Variants in ROR2 observed in about 807,000 individuals in gnomAD.
ROR2 encodes the protein ROR family WNT receptor 2.
Under a neutral mutation model 74.9 loss-of-function variants are expected in ROR2, and 33 were observed. The ratio of observed to expected loss-of-function variants is 0.44; its 90% CI spans 0.33 to 0.59. The LOEUF is 0.59. ROR2 is among the 20% of genes least tolerant of loss of function. The probability of loss-of-function intolerance (pLI) is 0.02; values close to 1 mark genes in which losing one functional copy is unlikely to be tolerated. For missense variants in ROR2, 1,216 were observed against 1,313.8 expected, an observed-to-expected ratio of 0.93 and a Z score of 1.15; for synonymous variants, 586 against 558.7, an observed-to-expected ratio of 1.05 and a Z score of -0.69.
At chr9:91,780,636 C>T (rs1465596822) in intron 1 of ROR2, among the ~76,000 whole-genome samples, 1 of 150,030 alleles carries the variant, frequency 6.7e-6, no homozygotes, top group Non-Finnish European at 1.5e-5. Context: ...ACTAAAAATA[C>T]AAAAATTAGC....
chr9:91,775,705 G>A (rs761457662), intron 2 of ROR2, 36 bp downstream of exon 2: 2 of 1,590,644 alleles, frequency 1.3e-6, no homozygotes, highest in South Asian at 2.2e-5. Context: ...CAGGGCATTT[G>A]GAGGACATGG....
At position 91,856,706 on chromosome 9, in the gene ROR2, G is replaced by A. The variant is rs552967241; in HGVS notation, c.98-80888C>T. 7.9e-5 allele frequency among the ~76,000 whole-genome samples: 12 copies of A among 152,308 alleles called. No individual in the cohort carries two copies. In the East Asian group the frequency reaches 2.1e-3, roughly 27 times the overall value. Reference sequence around the variant, plus strand: ...CTGTGAGAGAATGAACGTTGTTTAAGCTGCCCAGTCTGGGGTACTTACGGC... The same window carrying A: ...CTGTGAGAGAATGAACGTTGTTTAAACTGCCCAGTCTGGGGTACTTACGGC... On this transcript the variant is annotated intron_variant, in intron 1 of 8. Transcript: ENST00000375708.
intron 1 of ROR2, among the ~76,000 whole-genome samples, chr9:91,832,852 C>T (rs1456202837): frequency 1.3e-5 from 2 of 152,306 alleles, no homozygotes; most frequent in East Asian, 3.9e-4. Flanking sequence ...AGAAATACAA[C>T]GTCCATCTTG....
At position 91,915,601 on chromosome 9, in the gene ROR2, C is replaced by A. The variant is rs146682142; in HGVS notation, c.97+34266G>T. On this transcript the variant is annotated intron_variant, in intron 1 of 8. Coordinates refer to ENST00000375708, the MANE Select transcript of ROR2 (RefSeq NM_004560.4). ...GAGCGAAAGAACAAAGATTCCACAGCCATGGAAGGGAACCTGAGCAGGTTG... is the reference window on the plus strand; with the variant it reads ...GAGCGAAAGAACAAAGATTCCACAGACATGGAAGGGAACCTGAGCAGGTTG... Among the ~76,000 whole-genome samples, 6 of 152,056 alleles carry A rather than the reference C, an allele frequency of 3.9e-5. No individual in the cohort carries two copies. In the South Asian group the frequency reaches 1.2e-3, roughly 32 times the overall value.
chr9:91,752,579 G>A (rs1001158938), intron 4 of ROR2, among the ~76,000 whole-genome samples: 1 of 152,208 alleles, frequency 6.6e-6, no homozygotes, highest in Non-Finnish European at 1.5e-5. Flanking sequence ...GGGGTAGAAG[G>A]GAGTTGACTA....
chr9:91,803,703 G>T (rs1263606642), intron 1 of ROR2, among the ~76,000 whole-genome samples: 1 of 152,238 alleles, frequency 6.6e-6, no homozygotes, highest in Non-Finnish European at 1.5e-5. Context: ...ACTGCATGTG[G>T]CCTTGCGTAT....
intron 1 of ROR2, among the ~76,000 whole-genome samples, chr9:91,828,117 T>A (rs1459844998): frequency 6.6e-6 from 1 of 152,268 alleles, no homozygotes; most frequent in Non-Finnish European, 1.5e-5. Context: ...AGAACTGACA[T>A]CTTTAAAACA....
At chr9:91,777,632 T>C (rs1462150628) in intron 1 of ROR2, among the ~76,000 whole-genome samples, 1 of 152,164 alleles carries the variant, frequency 6.6e-6, no homozygotes, top group Admixed American at 6.5e-5. Context: ...ATCACCACTA[T>C]GAAATTCCAG....
At chr9:91,796,000 TGGCACTCCCA>T (rs1827153937) in intron 1 of ROR2, among the ~76,000 whole-genome samples, 1 of 152,154 alleles carries the variant, frequency 6.6e-6, no homozygotes, top group Non-Finnish European at 1.5e-5. Context: ...CAAGTGCTGG[TGGCACTCCCA>T]GGCAAAGATC....
At position 91,725,070 on chromosome 9, in the gene ROR2, A is replaced by G; in HGVS notation, c.1424T>C (p.Phe475Ser). The G allele has an allele frequency of 6.2e-7, 1 of 1,614,056 alleles. No individual in the cohort carries two copies. Among genetic ancestry groups the G allele is most frequent in the Non-Finnish European group, 8.5e-7 (1 of 1,180,036 alleles). Residue 475 changes from phenylalanine to serine, a missense_variant, in exon 9 of 9, where the codon TTC becomes TCC. By Grantham distance (155) the Phe-to-Ser change is radical. Transcript: ENST00000375708. ...CCGGTCCTCTCCCAGCTCCTCCATG[A>G]ACCTCACCGCAGACAGGCTGATCTC... ...LKEISLSAVR[F>S]MEELGEDRFG...
At position 91,763,000 on chromosome 9, in the gene ROR2, T is replaced by TA. The variant is rs536150761; in HGVS notation, c.176-5442dup. ...TACACCATGGAATACAATGCAGCCATAAAAAAAATCATATCCTTTGCGCAA... is the reference window on the plus strand; with the variant it reads ...TACACCATGGAATACAATGCAGCCATAAAAAAAAATCATATCCTTTGCGCAA... On this transcript the variant is annotated intron_variant, in intron 2 of 8. Transcript: ENST00000375708. Among the ~76,000 whole-genome samples, 93 of 152,036 alleles carry TA rather than the reference T, an allele frequency of 6.1e-4. 1 individual carries two copies. Among genetic ancestry groups the TA allele is most frequent in the Middle Eastern group, 6.8e-3 (2 of 294 alleles).
rs1825078009 is a variant in ROR2 at position 91,737,608 on chromosome 9, A to G, written c.495-90T>C. ...TTTATGATCCAGCATCTTGCGATCCAGCAATTTTGTTACTTGGTATTTATA... is the reference window on the plus strand; with the variant it reads ...TTTATGATCCAGCATCTTGCGATCCGGCAATTTTGTTACTTGGTATTTATA... On this transcript the variant is annotated intron_variant, in intron 4 of 8. Coordinates refer to ENST00000375708, the MANE Select transcript of ROR2 (RefSeq NM_004560.4). 1.9e-6 allele frequency: 3 copies of G among 1,579,530 alleles called. No individual in the cohort carries two copies. The Admixed American group carries it at 5.1e-5, about 27-fold the overall frequency.
intron 1 of ROR2, among the ~76,000 whole-genome samples, chr9:91,779,368 C>CTTTTT (rs57414414): frequency 7.5e-6 from 1 of 133,726 alleles, no homozygotes; most frequent in Non-Finnish European, 1.6e-5. Context: ...TTATACTTTT[C>CTTTTT]TTTTTTTTTT....
intron 4 of ROR2, among the ~76,000 whole-genome samples, chr9:91,738,311 C>T (rs1169299387): frequency 2.0e-5 from 3 of 152,066 alleles, no homozygotes; most frequent in Non-Finnish European, 4.4e-5. Context: ...CTAAAAAATG[C>T]CTATTAATTT....
At chr9:91,881,852 G>T (rs1830120277) in intron 1 of ROR2, among the ~76,000 whole-genome samples, 1 of 152,154 alleles carries the variant, frequency 6.6e-6, no homozygotes, top group African/African-American at 2.4e-5. Flanking sequence ...GAAATTCGAG[G>T]AAAAGCACTG....
intron 2 of ROR2, among the ~76,000 whole-genome samples, chr9:91,761,407 A>T (rs1825911460): frequency 6.6e-6 from 1 of 152,166 alleles, no homozygotes; most frequent in South Asian, 2.1e-4. Flanking sequence ...GTTCTCCTGC[A>T]ACTAGTAGTC....
At chr9:91,808,299 A>G (rs534131924) in intron 1 of ROR2, among the ~76,000 whole-genome samples, 1 of 152,350 alleles carries the variant, frequency 6.6e-6, no homozygotes, top group East Asian at 1.9e-4. Context: ...TGTGAGAAAC[A>G]TAAGGTGGCA....
At chr9:91,808,894 T>G (rs1343740990) in intron 1 of ROR2, among the ~76,000 whole-genome samples, 7 of 151,440 alleles carry the variant, frequency 4.6e-5, no homozygotes, top group African/African-American at 1.7e-4. Context: ...TCCCAGCTAC[T>G]CAGGAGGCTG....
chr9:91,847,854 G>GA (rs1437103128), intron 1 of ROR2, among the ~76,000 whole-genome samples: 2 of 151,840 alleles, frequency 1.3e-5, no homozygotes, highest in African/African-American at 4.8e-5. Context: ...GATCTTGCAG[G>GA]AAACACCCAC....
Sources: gnomAD v4.1 joint callset for allele counts (sites outside exome capture counted in the v4.1 genomes callset) on GRCh38, gnomAD v4.1.1 for gene constraint, MANE v1.5 for transcripts, NCBI Gene and HGNC (gene_info 2026-07-23, HGNC 2026-07-21) for gene names.